Variants in TMC1 observed in about 807,000 individuals in gnomAD.
TMC1 encodes transmembrane channel like 1.
A neutral mutation model predicts 105.8 loss-of-function variants in TMC1; 84 were observed. That is an observed-to-expected ratio of 0.79 (90% confidence interval 0.67 to 0.95). TMC1 has a LOEUF of 0.95. Ranked by LOEUF, TMC1 falls within the 40% of genes least tolerant of loss-of-function variation. The pLI, the probability that TMC1 is intolerant of heterozygous loss-of-function variation, is 0.00. For missense variants in TMC1, 817 were observed against 914.1 expected (o/e 0.89, Z 1.37); for synonymous variants, 315 against 311.5 (o/e 1.01, Z -0.12).
At position 72,535,758 on chromosome 9, in the gene TMC1, A is replaced by G. The variant is rs905849576; in HGVS notation, c.-428+13845A>G. Among the ~76,000 whole-genome samples, 5 of 152,356 alleles carry G rather than the reference A, an allele frequency of 3.3e-5. No individual in the cohort carries two copies. In the East Asian group the frequency reaches 9.6e-4, roughly 29 times the overall value. On this transcript the variant is annotated intron_variant, in intron 1 of 23. Coordinates refer to ENST00000297784, the MANE Select transcript of TMC1 (RefSeq NM_138691.3). ...GCCTTAGGCTGCTTCTATTCATGGC[A>G]GAAGAGTAAGCGGAGCCTTCATGTG...
intron 20 of TMC1, among the ~76,000 whole-genome samples, chr9:72,825,552 C>T (rs1828938136): frequency 6.6e-6 from 1 of 152,162 alleles, no homozygotes; most frequent in South Asian, 2.1e-4. Context: ...CTGAGAAGGC[C>T]TTTGTGTGTA....
intron 1 of TMC1, among the ~76,000 whole-genome samples, chr9:72,558,241 C>T (rs1823978649): frequency 6.6e-6 from 1 of 151,756 alleles, no homozygotes; most frequent in Non-Finnish European, 1.5e-5. Context: ...AATTAAAATG[C>T]AACACTTTTA....
At chr9:72,606,311 G>A (rs1255087948) in intron 2 of TMC1, among the ~76,000 whole-genome samples, 1 of 151,886 alleles carries the variant, frequency 6.6e-6, no homozygotes, top group Non-Finnish European at 1.5e-5. Flanking sequence ...ATGGAATGGG[G>A]GTTGGGGATG....
intron 7 of TMC1, among the ~76,000 whole-genome samples, chr9:72,695,077 G>A (rs1017692698): frequency 6.6e-6 from 1 of 152,246 alleles, no homozygotes; most frequent in East Asian, 1.9e-4. Flanking sequence ...ATCTTACAGA[G>A]CAGGGGTTGG....
intron 6 of TMC1, among the ~76,000 whole-genome samples, chr9:72,693,244 AAAGAT>A (rs1227629392): frequency 6.6e-6 from 1 of 152,216 alleles, no homozygotes; most frequent in African/African-American, 2.4e-5. Flanking sequence ...AGTGGTAATT[AAAGAT>A]AATTTTGAAA....
At chr9:72,637,071 A>G (rs1158151294) in intron 4 of TMC1, among the ~76,000 whole-genome samples, 1 of 151,612 alleles carries the variant, frequency 6.6e-6, no homozygotes, top group Admixed American at 6.6e-5. Flanking sequence ...TCAATCAACT[A>G]ATGAGAATAA....
intron 8 of TMC1, among the ~76,000 whole-genome samples, chr9:72,705,146 C>G (rs933494170): frequency 6.6e-6 from 1 of 152,138 alleles, no homozygotes; most frequent in Non-Finnish European, 1.5e-5. Context: ...GCAGCACTTA[C>G]CTGATAGCAG....
intron 1 of TMC1, among the ~76,000 whole-genome samples, chr9:72,549,758 G>C (rs1230389050): frequency 1.3e-5 from 2 of 152,016 alleles, no homozygotes; most frequent in African/African-American, 2.4e-5. Context: ...CTACAGGCAT[G>C]TGCCACCATG....
rs182482333 is a variant in TMC1, at chr9:72,668,010, T to G, written c.16+19346T>G. 3.9e-5 allele frequency among the ~76,000 whole-genome samples: 6 copies of G among 152,362 alleles called. No homozygotes were observed. In the East Asian group the frequency reaches 9.6e-4, roughly 24 times the overall value. ...TCACAGTACTTAGTTATATTCTACC[T>G]CACACCAATCATTTTACTTGTTAAT... On this transcript the variant is annotated intron_variant, in intron 5 of 23. Coordinates refer to ENST00000297784, the MANE Select transcript of TMC1 (RefSeq NM_138691.3).
At chr9:72,810,588 A>G (rs1828686281) in intron 18 of TMC1, among the ~76,000 whole-genome samples, 1 of 151,316 alleles carries the variant, frequency 6.6e-6, no homozygotes, top group Admixed American at 6.6e-5. Context: ...AAATATACAC[A>G]TATATACTTT....
At chr9:72,805,970 C>T (rs921440743) in intron 18 of TMC1, among the ~76,000 whole-genome samples, 2 of 152,096 alleles carry the variant, frequency 1.3e-5, no homozygotes, top group African/African-American at 2.4e-5. Flanking sequence ...GGCAACCATC[C>T]GATTTCTCAA....
In TMC1 at chr9:72,789,366, T is replaced by C. The variant is rs563707101; in HGVS notation, c.1224+49T>C. ...GTGCTTAGAACCTGACATTTGTTTC[T>C]TTTGTGGGTTATGTTTCTTTGATGG... On this transcript the variant is annotated intron_variant, in intron 15 of 23. Coordinates refer to ENST00000297784, the MANE Select transcript of TMC1 (RefSeq NM_138691.3). 72 of 1,576,096 alleles carry C rather than the reference T, an allele frequency of 4.6e-5. 1 individual carries two copies. The South Asian group carries it at 7.7e-4, about 17-fold the overall frequency.
intron 2 of TMC1, among the ~76,000 whole-genome samples, chr9:72,608,234 C>T (rs1433772274): frequency 2.0e-5 from 3 of 152,212 alleles, no homozygotes; most frequent in Non-Finnish European, 4.4e-5. Context: ...CTTCTTGCAT[C>T]TCATCGGCCT....
At chr9:72,666,258 TA>T (rs35725345) in intron 5 of TMC1, among the ~76,000 whole-genome samples, 462 of 138,256 alleles carry the variant, frequency 3.3e-3, no homozygotes, top group Middle Eastern at 3.6e-3. Flanking sequence ...CTGTCTCTAT[TA>T]AAAAAAAAAA....
chr9:72,666,909 AAACAAAAC>A (rs997487492), intron 5 of TMC1, among the ~76,000 whole-genome samples: 3 of 151,330 alleles, frequency 2.0e-5, no homozygotes, highest in Admixed American at 2.0e-4. Context: ...AAACAAAACA[AAACAAAAC>A]AAAACAAACA....
chr9:72,582,823 T>C (rs976453602), intron 2 of TMC1, among the ~76,000 whole-genome samples: 1 of 152,234 alleles, frequency 6.6e-6, no homozygotes, highest in South Asian at 2.1e-4. Flanking sequence ...AATATCCCAC[T>C]TGTTAAACCC....
At chr9:72,578,579 TA>T (rs1324314045) in intron 2 of TMC1, among the ~76,000 whole-genome samples, 2 of 152,202 alleles carry the variant, frequency 1.3e-5, no homozygotes, top group Non-Finnish European at 2.9e-5. Flanking sequence ...GAGCGGCAAC[TA>T]CAGACTTTGC....
chr9:72,747,655 C>T (rs1457845118), intron 10 of TMC1, among the ~76,000 whole-genome samples: 2 of 152,064 alleles, frequency 1.3e-5, no homozygotes, highest in Non-Finnish European at 2.9e-5. Flanking sequence ...AGTGCAGTGG[C>T]GCAATCTCGG....
chr9:72,809,870 T>A (rs1043308901), intron 18 of TMC1, among the ~76,000 whole-genome samples: 1 of 152,142 alleles, frequency 6.6e-6, no homozygotes, highest in Admixed American at 6.5e-5. Flanking sequence ...TCTTCACCAC[T>A]CTTTTCTCTT....
Sources: gnomAD v4.1 joint callset for allele counts (sites outside exome capture counted in the v4.1 genomes callset) on GRCh38, gnomAD v4.1.1 for gene constraint, MANE v1.5 for transcripts, NCBI Gene and HGNC (gene_info 2026-07-23, HGNC 2026-07-21) for gene names.